The following FHIT variants were observed in gnomAD, a reference collection of about 807,000 sequenced individuals.
FHIT encodes bis(5'-adenosyl)-triphosphatase.
A neutral mutation model predicts 17.9 loss-of-function variants in FHIT; 19 were observed. The ratio of observed to expected loss-of-function variants is 1.06; its 90% CI spans 0.74 to 1.56. FHIT has a LOEUF of 1.56. FHIT is among the 40% of genes most tolerant of loss of function. The probability of loss-of-function intolerance (pLI) is 0.00; values close to 1 mark genes in which losing one functional copy is unlikely to be tolerated. For synonymous variants in FHIT, 81 were observed against 69.7 expected, an observed-to-expected ratio of 1.16 and a Z score of -0.81; for missense variants, 248 against 189.2, an observed-to-expected ratio of 1.31 and a Z score of -1.82.
intron 5 of FHIT, among the ~76,000 whole-genome samples, chr3:60,058,233 C>T (rs1454320750): frequency 6.7e-6 from 1 of 149,736 alleles, no homozygotes; most frequent in Non-Finnish European, 1.5e-5. Context: ...CAATCTCCGC[C>T]TCCTGGGTTC....
chr3:60,333,655 C>T (rs972455283), intron 5 of FHIT, among the ~76,000 whole-genome samples: 35 of 151,870 alleles, frequency 2.3e-4, no homozygotes, highest in Admixed American at 2.2e-3. Flanking sequence ...ATCTGTATTC[C>T]TACATATTGA....
chr3:60,006,804 T>A (rs1699943898), intron 7 of FHIT, among the ~76,000 whole-genome samples: 1 of 152,130 alleles, frequency 6.6e-6, no homozygotes, highest in African/African-American at 2.4e-5. Flanking sequence ...AGATAAAATG[T>A]CCTCATTTTC....
chr3:60,080,227 G>C (rs1703217196), intron 5 of FHIT, among the ~76,000 whole-genome samples: 3 of 152,024 alleles, frequency 2.0e-5, no homozygotes, highest in Admixed American at 6.6e-5. Flanking sequence ...TCTGATTTTA[G>C]AAAACTGAAA....
chr3:60,116,232 G>C (rs1211969949), intron 5 of FHIT, among the ~76,000 whole-genome samples: 4 of 152,132 alleles, frequency 2.6e-5, no homozygotes, highest in African/African-American at 7.2e-5. Context: ...TGTAATGTAA[G>C]TAAAGTAGAA....
intron 5 of FHIT, among the ~76,000 whole-genome samples, chr3:60,276,969 C>G (rs193000333): frequency 1.3e-5 from 2 of 152,218 alleles, no homozygotes; most frequent in East Asian, 3.9e-4. Context: ...CACCAGGCCA[C>G]TCAACCAACA....
chr3:60,730,238 C>T, intron 4 of FHIT: 1 of 263,942 alleles, frequency 3.8e-6, no homozygotes, highest in Non-Finnish European at 8.1e-6. Context: ...GCTGTCATGG[C>T]CACAGCCAGC....
chr3:59,980,887 G>C (rs1708624512), intron 7 of FHIT, among the ~76,000 whole-genome samples: 1 of 152,140 alleles, frequency 6.6e-6, no homozygotes, highest in Admixed American at 6.6e-5. Flanking sequence ...CTAAACTACT[G>C]TTTTCATAAT....
chr3:60,920,429 C>T (rs1707218895), intron 3 of FHIT, among the ~76,000 whole-genome samples: 2 of 151,894 alleles, frequency 1.3e-5, no homozygotes, highest in African/African-American at 4.8e-5. Flanking sequence ...CAAAGGCATA[C>T]AAAGAAGGAA....
chr3:59,972,798 GT>G (rs1708245946), intron 7 of FHIT, among the ~76,000 whole-genome samples: 1 of 152,040 alleles, frequency 6.6e-6, no homozygotes, highest in Non-Finnish European at 1.5e-5. Context: ...TTTGGGATTG[GT>G]TTTCTACCTT....
At chr3:60,064,471 C>A (rs1198569356) in intron 5 of FHIT, among the ~76,000 whole-genome samples, 1 of 152,180 alleles carries the variant, frequency 6.6e-6, no homozygotes, top group Non-Finnish European at 1.5e-5. Context: ...TTCCATGCTA[C>A]AGACAGTACT....
At chr3:60,583,004 G>A (rs577257538) in intron 4 of FHIT, among the ~76,000 whole-genome samples, 2 of 151,770 alleles carry the variant, frequency 1.3e-5, no homozygotes, top group Non-Finnish European at 2.9e-5. Context: ...CAATGATACC[G>A]CTTTACTGCT....
chr3:60,641,902 C>A (rs573190119), intron 4 of FHIT, among the ~76,000 whole-genome samples: 3 of 151,840 alleles, frequency 2.0e-5, no homozygotes, highest in Non-Finnish European at 4.4e-5. Flanking sequence ...GTACTAGCTA[C>A]AGCAGAATGC....
At chr3:59,818,250 C>T (rs552698312) in intron 8 of FHIT, among the ~76,000 whole-genome samples, 16 of 152,248 alleles carry the variant, frequency 1.1e-4, no homozygotes, top group African/African-American at 3.1e-4. Flanking sequence ...CCTCGGCCCA[C>T]GTGGGGCTGT....
At chr3:59,990,498 G>A (rs1164737329) in intron 7 of FHIT, among the ~76,000 whole-genome samples, 6 of 152,032 alleles carry the variant, frequency 3.9e-5, no homozygotes, top group Non-Finnish European at 7.4e-5. Flanking sequence ...AGCAGATGAG[G>A]GGAACCCGCT....
intron 5 of FHIT, among the ~76,000 whole-genome samples, chr3:60,486,335 A>G (rs2033838930): frequency 6.6e-6 from 1 of 152,152 alleles, no homozygotes; most frequent in South Asian, 2.1e-4. Flanking sequence ...TTCTTTTTTC[A>G]CAAAAGCATT....
intron 8 of FHIT, among the ~76,000 whole-genome samples, chr3:59,776,729 CACTT>C (rs1702338756): frequency 6.6e-6 from 1 of 152,302 alleles, no homozygotes; most frequent in South Asian, 2.1e-4. Flanking sequence ...ATTTATTGAG[CACTT>C]ACTTATGTGT....
intron 4 of FHIT, among the ~76,000 whole-genome samples, chr3:60,580,568 T>C (rs2037718634): frequency 6.6e-6 from 1 of 152,096 alleles, no homozygotes; most frequent in Non-Finnish European, 1.5e-5. Context: ...CTTCTGGTTG[T>C]AGCACAAAGC....
In FHIT at chr3:60,815,742, T is replaced by A. The variant is rs142109036; in HGVS notation, c.-18+6177A>T. 3.4e-4 allele frequency among the ~76,000 whole-genome samples: 51 copies of A among 152,160 alleles called. No homozygotes were observed. The East Asian group carries it at 7.9e-3, about 24-fold the overall frequency. On this transcript the variant is annotated intron_variant, in intron 4 of 9. Transcript: ENST00000492590. ...CTTTTTTGATTCCACATGTACTTTA[T>A]AATAGTTTTTTCCAGTTCTGTGAAA...
intron 4 of FHIT, among the ~76,000 whole-genome samples, chr3:60,746,007 G>T (rs1205668028): frequency 6.6e-6 from 1 of 152,166 alleles, no homozygotes; most frequent in African/African-American, 2.4e-5. Context: ...CAAGAAAGAT[G>T]ATAACAAGCA....
Sources: gnomAD v4.1 joint callset for allele counts (sites outside exome capture counted in the v4.1 genomes callset) on GRCh38, gnomAD v4.1.1 for gene constraint, MANE v1.5 for transcripts, NCBI Gene and HGNC (gene_info 2026-07-23, HGNC 2026-07-21) for gene names.